RCOR1: variants seen among roughly 807,000 people sequenced by gnomAD.
RCOR1 encodes the protein REST corepressor 1, also known as REST corepressor.
In RCOR1, 12 loss-of-function variants were observed where a neutral mutation model predicts 64.0. That is an observed-to-expected ratio of 0.19 (90% CI 0.12 to 0.30). The LOEUF (loss-of-function observed/expected upper bound fraction) is 0.30. Among genes scored for constraint, RCOR1 ranks in the 10% least tolerant of loss-of-function variants. The pLI is 1.00. For missense variants in RCOR1, 502 were observed against 621.2 expected (o/e 0.81, Z 2.04); for synonymous variants, 279 against 227.2 (o/e 1.23, Z -2.05).
At chr14:102,705,835 A>C (rs965108010) in intron 4 of RCOR1, among the ~76,000 whole-genome samples, 1 of 151,946 alleles carries the variant, frequency 6.6e-6, no homozygotes, top group Non-Finnish European at 1.5e-5. Context: ...AATCAACAAA[A>C]CATAAAAAGG....
At chr14:102,665,882 C>T (rs954282008) in intron 2 of RCOR1, among the ~76,000 whole-genome samples, 3 of 152,190 alleles carry the variant, frequency 2.0e-5, no homozygotes, top group Admixed American at 6.5e-5. Flanking sequence ...TATATTAGAT[C>T]ATACTGGCTC....
chr14:102,661,144 C>T (rs371151862), intron 2 of RCOR1, among the ~76,000 whole-genome samples: 15 of 152,098 alleles, frequency 9.9e-5, no homozygotes, highest in Non-Finnish European at 1.8e-4. Context: ...CCCAGGAATT[C>T]GAGACCAGCC....
chr14:102,717,329 T>G (rs1312465125), intron 8 of RCOR1, among the ~76,000 whole-genome samples: 1 of 152,220 alleles, frequency 6.6e-6, no homozygotes, highest in Non-Finnish European at 1.5e-5. Flanking sequence ...AGACCAACTG[T>G]CATCTCATAG....
chr14:102,694,211 AT>A (rs200884261), intron 3 of RCOR1, among the ~76,000 whole-genome samples: 1,561 of 152,294 alleles, frequency 0.01, 16 homozygotes, highest in Admixed American at 0.015. Flanking sequence ...AGACTGACTT[AT>A]TCTGTAAAGT....
At chr14:102,726,426 A>G (rs769246492) in intron 11 of RCOR1, 42 bp from the exon 12 acceptor site, 1 of 1,417,830 alleles carries the variant, frequency 7.1e-7, no homozygotes, top group Non-Finnish European at 9.6e-7. Flanking sequence ...TTGTTTACCT[A>G]CTCTTTGATC....
chr14:102,615,447 C>CT (rs560136180), intron 2 of RCOR1, among the ~76,000 whole-genome samples: 1,739 of 131,906 alleles, frequency 0.013, 33 homozygotes, highest in African/African-American at 0.034. Flanking sequence ...CTGCATAATT[C>CT]TTTTTTTTTT....
At chr14:102,616,206 ATGTGTGTGTG>A (rs56991991) in intron 2 of RCOR1, among the ~76,000 whole-genome samples, 6,617 of 149,226 alleles carry the variant, frequency 0.044, 255 homozygotes, top group African/African-American at 0.11. Context: ...ACATGTGTAT[ATGTGTGTGTG>A]TGTGTGTGTG....
At chr14:102,608,114 C>T (rs1893553140) in intron 2 of RCOR1, among the ~76,000 whole-genome samples, 1 of 152,038 alleles carries the variant, frequency 6.6e-6, no homozygotes, top group African/African-American at 2.4e-5. Flanking sequence ...GCATTCAGTG[C>T]ACTCGCATTG....
chr14:102,615,311 T>A (rs558001223), intron 2 of RCOR1, among the ~76,000 whole-genome samples: 7 of 151,204 alleles, frequency 4.6e-5, no homozygotes, highest in Admixed American at 3.3e-4. Flanking sequence ...TTTTTTTTTT[T>A]AATATTTTTT....
At chr14:102,632,480 C>T (rs1260480494) in intron 2 of RCOR1, among the ~76,000 whole-genome samples, 1 of 152,078 alleles carries the variant, frequency 6.6e-6, no homozygotes, top group Non-Finnish European at 1.5e-5. Context: ...GCTGGGATTA[C>T]AAGCGCGAGC....
intron 2 of RCOR1, among the ~76,000 whole-genome samples, chr14:102,668,756 A>G (rs556960003): frequency 2.6e-4 from 39 of 152,286 alleles, no homozygotes; most frequent in African/African-American, 8.2e-4. Context: ...AGCATTTATT[A>G]TCATGGAGGA....
At chr14:102,712,645 C>T (rs191811883) in intron 7 of RCOR1, among the ~76,000 whole-genome samples, 14 of 142,562 alleles carry the variant, frequency 9.8e-5, no homozygotes, top group Admixed American at 9.2e-4. Flanking sequence ...TCAACGTGTT[C>T]TAGATACATT....
chr14:102,626,806 C>T (rs527479852), intron 2 of RCOR1, among the ~76,000 whole-genome samples: 3 of 152,292 alleles, frequency 2.0e-5, no homozygotes, highest in East Asian at 3.9e-4. Context: ...CCTGCTTCAG[C>T]TGGGAAGTAG....
rs766272177 is a variant in RCOR1, at chr14:102,722,332, T to A, written c.1335T>A (p.Gly445=). Reference sequence around the variant, plus strand: ...TACAAGAATGGGAGGCAGAACATGGTAAAGAAGAGACCAATGGGCCCAGTA... The same window carrying A: ...TACAAGAATGGGAGGCAGAACATGGAAAAGAAGAGACCAATGGGCCCAGTA... ...EVLQEWEAEH[G]KEETNGPSNQ... The change falls in exon 11 of 12, where the codon GGT becomes GGA. Residue 445 remains glycine (G), a synonymous_variant. Transcript: ENST00000262241. 1 of 1,613,968 alleles carries A rather than the reference T, an allele frequency of 6.2e-7. No individual in the cohort carries two copies. Among genetic ancestry groups the A allele is most frequent in the African/African-American group, 1.3e-5 (1 of 74,880 alleles).
At chr14:102,676,863 C>T (rs1895177769) in intron 2 of RCOR1, among the ~76,000 whole-genome samples, 1 of 111,496 alleles carries the variant, frequency 9.0e-6, no homozygotes, top group Admixed American at 7.8e-5. Context: ...GGGGCTGACC[C>T]CCCACCTCCC....
chr14:102,656,122 T>C (rs1285993786), intron 2 of RCOR1: 1 of 984,258 alleles, frequency 1.0e-6, no homozygotes. Flanking sequence ...GAAATCACTT[T>C]GCTGAGATTT....
Position 102,592,982 on chromosome 14 carries a change from CGCCGCCTCG to C in RCOR1, c.104_112del (p.Ser35_Ala37del). The C allele has an allele frequency of 1.7e-6, 2 of 1,159,186 alleles. No homozygotes were observed. Among genetic ancestry groups the C allele is most frequent in the Non-Finnish European group, 2.1e-6 (2 of 941,072 alleles). 71.8% of individuals were successfully genotyped at this position (1,159,186 alleles called of 1,614,324 possible). A position where few individuals can be genotyped will look rare whatever the true frequency, so the allele number is the denominator to read the frequency against. Reference sequence around the variant, plus strand: ...CCGCCTCCGCCGCCGCCGCCTCCGCCGCCGCCTCGGCCGCCTGCGCCTCGCCAGCCGCCA... The same window carrying C: ...CCGCCTCCGCCGCCGCCGCCTCCGCCGCCGCCTGCGCCTCGCCAGCCGCCA... On this transcript the variant is annotated inframe_deletion, in exon 1 of 12. Transcript: ENST00000262241.
At chr14:102,688,092 G>A (rs1471126464) in intron 3 of RCOR1, among the ~76,000 whole-genome samples, 2 of 151,646 alleles carry the variant, frequency 1.3e-5, no homozygotes, top group Non-Finnish European at 2.9e-5. Flanking sequence ...TCAGCCCTGC[G>A]AGTAGCTGGG....
chr14:102,662,389 G>C, intron 2 of RCOR1: 1 of 563,248 alleles, frequency 1.8e-6, no homozygotes, highest in Non-Finnish European at 3.4e-6. Context: ...GTTTGATCTG[G>C]TGCCTGTTGG....
Sources: allele counts gnomAD v4.1 joint callset (sites outside exome capture counted in the v4.1 genomes callset), GRCh38; gene constraint gnomAD v4.1.1; transcripts MANE v1.5; gene names NCBI Gene and HGNC (gene_info 2026-07-23, HGNC 2026-07-21).